Variants in CTNNA3 observed in about 807,000 individuals in gnomAD.
CTNNA3 encodes catenin alpha 3.
In CTNNA3, 76 loss-of-function variants were observed where a neutral mutation model predicts 95.7. The observed-to-expected ratio is 0.79, with a 90% CI of 0.66 to 0.96. The LOEUF (loss-of-function observed/expected upper bound fraction) is 0.96, where lower values mean the gene tolerates loss of function less well. Among genes scored for constraint, CTNNA3 ranks in the 40% least tolerant of loss-of-function variants. The pLI is 0.00. For synonymous variants in CTNNA3, 431 were observed against 374.4 expected (o/e 1.15, Z -1.74); for missense variants, 1,191 against 1,089.8 (o/e 1.09, Z -1.31).
chr10:67,602,358 A>G lies in CTNNA3; in HGVS notation c.292+4499T>C, dbSNP rs559364890. Among the ~76,000 whole-genome samples the G allele has an allele frequency of 5.9e-5, 9 of 152,294 alleles. No homozygotes were observed. In the South Asian group the frequency reaches 1.7e-3, roughly 28 times the overall value. On this transcript the variant is annotated intron_variant, in intron 3 of 17. Transcript: ENST00000433211. ...TGCTTTCACTGTCACTATCCCTACT[A>G]TCCATAGGATAATCATTGGCTGTTC...
intron 5 of CTNNA3, among the ~76,000 whole-genome samples, chr10:67,312,075 CTT>C (rs5785820): frequency 4.2e-5 from 6 of 142,344 alleles, no homozygotes; most frequent in African/African-American, 1.0e-4. Flanking sequence ...ATTTAAATTA[CTT>C]TTTTTTTTTT....
rs1463645914 is a variant in CTNNA3 at position 66,385,319 on chromosome 10, G to A, written c.1532-5967C>T. On this transcript the variant is annotated intron_variant, in intron 11 of 17. Transcript: ENST00000433211. ...CAGAGAATACTATAAACACCTCTAC[G>A]CAAATAAACTAGAAAATCTAGAAGA... 1.1e-4 allele frequency among the ~76,000 whole-genome samples: 17 copies of A among 152,114 alleles called. No homozygotes were observed. The East Asian group carries it at 1.7e-3, about 16-fold the overall frequency.
chr10:67,142,876 A>C (rs1860646186), intron 7 of CTNNA3, among the ~76,000 whole-genome samples: 1 of 151,950 alleles, frequency 6.6e-6, no homozygotes, highest in Non-Finnish European at 1.5e-5. Flanking sequence ...AGGTTGTAGT[A>C]AGCTGAGATC....
At chr10:67,712,467 C>T (rs1323550999) in intron 1 of CTNNA3, among the ~76,000 whole-genome samples, 2 of 152,234 alleles carry the variant, frequency 1.3e-5, no homozygotes, top group Admixed American at 6.5e-5. Flanking sequence ...GTTTCATGGG[C>T]TGGGCCCAGG....
chr10:67,294,602 GAAAGGAATTCTAAA>G (rs1304199049), intron 5 of CTNNA3, among the ~76,000 whole-genome samples: 4 of 151,960 alleles, frequency 2.6e-5, no homozygotes, highest in African/African-American at 9.6e-5. Context: ...TTGCACCAAG[GAAAGGAATTCTAAA>G]AAAGTGACTC....
intron 5 of CTNNA3, among the ~76,000 whole-genome samples, chr10:67,403,667 G>A (rs1157505094): frequency 3.3e-5 from 5 of 152,010 alleles, no homozygotes; most frequent in Non-Finnish European, 7.4e-5. Context: ...ACTATATGGG[G>A]GTGAAGGGAA....
chr10:66,884,991 C>A (rs1844990919), intron 7 of CTNNA3, among the ~76,000 whole-genome samples: 1 of 152,010 alleles, frequency 6.6e-6, no homozygotes, highest in South Asian at 2.1e-4. Flanking sequence ...TTCATTTTCC[C>A]AGGTTATTAC....
At chr10:67,711,913 T>C (rs1440867565) in intron 1 of CTNNA3, among the ~76,000 whole-genome samples, 1 of 152,076 alleles carries the variant, frequency 6.6e-6, no homozygotes, top group Non-Finnish European at 1.5e-5. Context: ...GGACATGAAC[T>C]CATCATTTTT....
chr10:66,862,169 A>C (rs1843962192), intron 7 of CTNNA3, among the ~76,000 whole-genome samples: 1 of 152,156 alleles, frequency 6.6e-6, no homozygotes, highest in African/African-American at 2.4e-5. Flanking sequence ...AGCTGAGATC[A>C]CGCCACTGCA....
At chr10:67,160,421 T>C (rs1361358405) in intron 7 of CTNNA3, among the ~76,000 whole-genome samples, 1 of 148,352 alleles carries the variant, frequency 6.7e-6, no homozygotes, top group Non-Finnish European at 1.5e-5. Flanking sequence ...TGCACTCTCA[T>C]ATTCATCACA....
intron 1 of CTNNA3, among the ~76,000 whole-genome samples, chr10:67,650,902 A>C (rs1839859954): frequency 6.6e-6 from 1 of 152,146 alleles, no homozygotes; most frequent in Admixed American, 6.5e-5. Flanking sequence ...ACAAATATTA[A>C]ACAGAAAACA....
intron 12 of CTNNA3, among the ~76,000 whole-genome samples, chr10:66,292,014 A>G (rs1255691046): frequency 6.6e-6 from 1 of 151,724 alleles, no homozygotes; most frequent in Non-Finnish European, 1.5e-5. Context: ...ATACAGATAT[A>G]TATACACATA....
intron 5 of CTNNA3, among the ~76,000 whole-genome samples, chr10:67,446,280 T>C (rs1299864195): frequency 1.3e-5 from 2 of 152,020 alleles, no homozygotes; most frequent in Non-Finnish European, 2.9e-5. Flanking sequence ...CCACCCCTAC[T>C]CCCTAGTCCA....
intron 10 of CTNNA3, among the ~76,000 whole-genome samples, chr10:66,598,817 A>G (rs1843815022): frequency 6.6e-6 from 1 of 152,166 alleles, no homozygotes; most frequent in African/African-American, 2.4e-5. Flanking sequence ...AAATATTTGT[A>G]CTATCCTAAG....
chr10:67,260,812 G>A (rs1037886863), intron 5 of CTNNA3, among the ~76,000 whole-genome samples: 2 of 151,960 alleles, frequency 1.3e-5, no homozygotes, highest in Non-Finnish European at 2.9e-5. Context: ...AGCCTCCTGA[G>A]TAGCTGGGAT....
chr10:65,962,216 T>C (rs1219421579), intron 17 of CTNNA3, among the ~76,000 whole-genome samples: 1 of 152,100 alleles, frequency 6.6e-6, no homozygotes, highest in African/African-American at 2.4e-5. Flanking sequence ...TTTCCTAAGT[T>C]CCAGAACCAA....
At chr10:67,473,746 ATATAT>A (rs1198141276) in intron 5 of CTNNA3, among the ~76,000 whole-genome samples, 9 of 152,352 alleles carry the variant, frequency 5.9e-5, no homozygotes, top group East Asian at 1.9e-4. Flanking sequence ...TTTAAAAATG[ATATAT>A]TATAACAACT....
chr10:66,708,428 T>C (rs10997323), intron 9 of CTNNA3, among the ~76,000 whole-genome samples: 4,902 of 152,020 alleles, frequency 0.032, 211 homozygotes, highest in East Asian at 0.22. Flanking sequence ...TTCCTGGAAT[T>C]TCTGTGTGCC....
chr10:67,589,006 A>T (rs1842718262), intron 3 of CTNNA3, among the ~76,000 whole-genome samples: 1 of 152,020 alleles, frequency 6.6e-6, no homozygotes, highest in South Asian at 2.1e-4. Flanking sequence ...TTGCGAGCCC[A>T]GCATATATAA....
Sources: gnomAD v4.1 joint callset for allele counts (sites outside exome capture counted in the v4.1 genomes callset) on GRCh38, gnomAD v4.1.1 for gene constraint, MANE v1.5 for transcripts, NCBI Gene and HGNC (gene_info 2026-07-23, HGNC 2026-07-21) for gene names.